Variants in RNF13 observed in about 807,000 individuals in gnomAD.
RNF13 encodes the protein E3 ubiquitin-protein ligase RNF13.
In RNF13, 19 loss-of-function variants were observed where a neutral mutation model predicts 37.7. That is an observed-to-expected ratio of 0.50 (90% CI 0.35 to 0.74). The LOEUF is 0.74. Ranked by LOEUF, RNF13 falls within the 30% of genes least tolerant of loss-of-function variation. The pLI, the probability that RNF13 is intolerant of heterozygous loss-of-function variation, is 0.01. For missense variants in RNF13, 375 were observed against 453.0 expected (o/e 0.83, Z 1.56); for synonymous variants, 144 against 157.8 (o/e 0.91, Z 0.65).
rs145249815 is a variant in RNF13 at position 149,960,313 on chromosome 3, C to T, written c.781+177C>T. Among the ~76,000 whole-genome samples, 257 of 152,104 alleles carry T rather than the reference C, an allele frequency of 1.7e-3. 6 individuals carry two copies. In the East Asian group the frequency reaches 0.043, roughly 26 times the overall value. ...TATAAAAATTTATAAACTTTCAGGC[C>T]GGGCATGGTGGCTCACGCCTGTAAT... is the stretch of plus-strand genomic sequence containing the variant. On this transcript the variant is annotated intron_variant, in intron 9 of 9. Coordinates refer to ENST00000392894, the MANE Select transcript of RNF13 (RefSeq NM_183381.3).
chr3:149,926,031 C>T (rs1943559870), intron 8 of RNF13, among the ~76,000 whole-genome samples: 1 of 152,040 alleles, frequency 6.6e-6, no homozygotes, highest in South Asian at 2.1e-4. Flanking sequence ...TGATATATGC[C>T]CGTGTGTCTG....
intron 3 of RNF13, among the ~76,000 whole-genome samples, chr3:149,866,606 A>C (rs1056367748): frequency 2.6e-5 from 4 of 152,198 alleles, no homozygotes; most frequent in African/African-American, 9.6e-5. Context: ...AGTAGGTCTC[A>C]GTCTCATTTT....
intron 3 of RNF13, among the ~76,000 whole-genome samples, chr3:149,854,046 G>A (rs936420403): frequency 1.3e-5 from 2 of 151,600 alleles, no homozygotes; most frequent in African/African-American, 4.9e-5. Context: ...ATGTTGCCCA[G>A]GCTGGTCTTG....
At chr3:149,915,936 A>G (rs1254172694) in intron 7 of RNF13, among the ~76,000 whole-genome samples, 1 of 152,222 alleles carries the variant, frequency 6.6e-6, no homozygotes, top group East Asian at 1.9e-4. Flanking sequence ...GCACAACAGT[A>G]TGAATGTACT....
chr3:149,892,320 A>C (rs1714796715), intron 4 of RNF13, among the ~76,000 whole-genome samples: 1 of 152,218 alleles, frequency 6.6e-6, no homozygotes, highest in African/African-American at 2.4e-5. Context: ...TTAAAAGCCT[A>C]ATGGTTAGAT....
At chr3:149,916,507 T>A (rs991051254) in intron 7 of RNF13, among the ~76,000 whole-genome samples, 2 of 152,188 alleles carry the variant, frequency 1.3e-5, no homozygotes, top group Non-Finnish European at 2.9e-5. Context: ...TAAAAATCCC[T>A]GATGTTAAGT....
rs565469622 is a variant in RNF13 at position 149,838,515 on chromosome 3, G to A, written c.-16-7496G>A. On this transcript the variant is annotated intron_variant, in intron 1 of 9. Transcript: ENST00000392894. ...AATTCTTGACTTCTGTGCACCTGCA[G>A]GCTCAATACCACGTGGAAACTGCCA... Among the ~76,000 whole-genome samples, 12 of 152,312 alleles carry A rather than the reference G, an allele frequency of 7.9e-5. 1 individual carries two copies. The South Asian group carries it at 8.3e-4, about 11-fold the overall frequency.
At chr3:149,857,173 CT>C (rs1723743099) in intron 3 of RNF13, among the ~76,000 whole-genome samples, 1 of 152,176 alleles carries the variant, frequency 6.6e-6, no homozygotes, top group South Asian at 2.1e-4. Flanking sequence ...ATTTATAAGA[CT>C]TCAGATATTT....
chr3:149,832,143 T>C (rs564248724), intron 1 of RNF13, among the ~76,000 whole-genome samples: 136 of 152,316 alleles, frequency 8.9e-4, no homozygotes, highest in African/African-American at 3.1e-3. Flanking sequence ...CTCTGCCTAT[T>C]CTGTTCGCAA....
rs1267100043 is a variant in RNF13, at chr3:149,846,014, A to G, written c.-13A>G. The G allele has an allele frequency of 4.4e-6, 7 of 1,575,600 alleles. No individual in the cohort carries two copies. The highest frequency in any genetic ancestry group is 6.1e-6 in the Non-Finnish European group (7 of 1,148,692). Reference sequence around the variant, plus strand: ...TACTCACATCCTTGTCTTCCAGGTGATTTTACAACGAGATGCTGCTCTCCA... The same window carrying G: ...TACTCACATCCTTGTCTTCCAGGTGGTTTTACAACGAGATGCTGCTCTCCA... On this transcript the variant is annotated 5_prime_UTR_variant, in exon 2 of 10. Transcript: ENST00000392894.
At chr3:149,894,048 A>G (rs1328572443) in intron 4 of RNF13, 1 of 152,230 alleles carries the variant, frequency 6.6e-6, no homozygotes, top group Non-Finnish European at 1.5e-5. Flanking sequence ...AATTGATTCA[A>G]GTAATATTTA....
chr3:149,883,859 G>T (rs1032426357), intron 4 of RNF13, among the ~76,000 whole-genome samples: 1 of 151,928 alleles, frequency 6.6e-6, no homozygotes, highest in Non-Finnish European at 1.5e-5. Context: ...TCTCTCCCCC[G>T]ACCCTCCCTG....
intron 4 of RNF13, among the ~76,000 whole-genome samples, chr3:149,875,378 G>A (rs1177793466): frequency 2.0e-5 from 3 of 152,090 alleles, no homozygotes; most frequent in Non-Finnish European, 4.4e-5. Context: ...AGTATTTCAG[G>A]ATTTTTACAA....
intron 7 of RNF13, among the ~76,000 whole-genome samples, chr3:149,919,129 A>C (rs903203218): frequency 6.6e-6 from 1 of 152,184 alleles, no homozygotes; most frequent in African/African-American, 2.4e-5. Context: ...AGTGGTTACC[A>C]TTAAACTTTA....
rs1057285337 is a variant in RNF13 at position 149,830,157 on chromosome 3, G to A, written c.-16-15854G>A. Reference sequence around the variant, plus strand: ...ATAGTAAATTGGTACCAGTGGAGTGGGTACTGCTATTAAGATACCAGAAAA... The same window carrying A: ...ATAGTAAATTGGTACCAGTGGAGTGAGTACTGCTATTAAGATACCAGAAAA... On this transcript the variant is annotated intron_variant, in intron 1 of 9. Coordinates refer to ENST00000392894, the MANE Select transcript of RNF13 (RefSeq NM_183381.3). Among the ~76,000 whole-genome samples, 23 of 95,512 alleles carry A rather than the reference G, an allele frequency of 2.4e-4. 1 individual carries two copies. Among genetic ancestry groups the A allele is most frequent in the Non-Finnish European group, 1.4e-4 (7 of 48,298 alleles). 62.7% of individuals were successfully genotyped at this position (95,512 alleles called of 152,430 possible). A position where few individuals can be genotyped will look rare whatever the true frequency, so the allele number is the denominator to read the frequency against.
At chr3:149,855,690 T>C (rs768458362) in intron 3 of RNF13, among the ~76,000 whole-genome samples, 1 of 151,992 alleles carries the variant, frequency 6.6e-6, no homozygotes, top group Non-Finnish European at 1.5e-5. Context: ...GGAAGTAGAA[T>C]TGATGAAACC....
chr3:149,939,408 C>G (rs922803770), intron 8 of RNF13: 1 of 523,680 alleles, frequency 1.9e-6, no homozygotes, highest in Admixed American at 2.1e-5. Context: ...GTTTCACATA[C>G]TCCTCTTCTT....
intron 5 of RNF13, among the ~76,000 whole-genome samples, chr3:149,897,206 A>G (rs906519006): frequency 6.6e-6 from 1 of 152,210 alleles, no homozygotes; most frequent in African/African-American, 2.4e-5. Context: ...TTCGAAATCA[A>G]ATCCTACTTG....
intron 8 of RNF13, among the ~76,000 whole-genome samples, chr3:149,943,266 T>A (rs1720445761): frequency 6.6e-6 from 1 of 151,948 alleles, no homozygotes; most frequent in Admixed American, 6.6e-5. Context: ...AGTTTTAGGT[T>A]CACAGCAAAA....
Sources: gnomAD v4.1 joint callset for allele counts (sites outside exome capture counted in the v4.1 genomes callset) on GRCh38, gnomAD v4.1.1 for gene constraint, MANE v1.5 for transcripts, NCBI Gene and HGNC (gene_info 2026-07-23, HGNC 2026-07-21) for gene names.